Variants in ST6GALNAC5 observed in about 807,000 individuals in gnomAD.
ST6GALNAC5 encodes ST6 N-acetylgalactosaminide alpha-2,6-sialyltransferase 5, also known as alpha-N-acetylgalactosaminide alpha-2,6-sialyltransferase 5.
ST6GALNAC5 carries 27 observed loss-of-function variants against 33.6 expected under a neutral mutation model. The observed-to-expected ratio is 0.80, with a 90% confidence interval of 0.59 to 1.11. The LOEUF is 1.11. Ranked by LOEUF, ST6GALNAC5 falls within the 50% of genes least tolerant of loss-of-function variation. The pLI, the probability that ST6GALNAC5 is intolerant of heterozygous loss-of-function variation, is 0.00. For synonymous variants in ST6GALNAC5, 194 were observed against 171.2 expected, an observed-to-expected ratio of 1.13 and a Z score of -1.04; for missense variants, 428 against 454.0, an observed-to-expected ratio of 0.94 and a Z score of 0.52.
chr1:76,961,518 T>A (rs1434465251), intron 2 of ST6GALNAC5, among the ~76,000 whole-genome samples: 1 of 152,212 alleles, frequency 6.6e-6, no homozygotes, highest in Non-Finnish European at 1.5e-5. Flanking sequence ...TCCTCCATGA[T>A]CTGCCCATGC....
At chr1:76,992,374 T>A (rs1649769663) in intron 2 of ST6GALNAC5, among the ~76,000 whole-genome samples, 1 of 152,220 alleles carries the variant, frequency 6.6e-6, no homozygotes, top group Non-Finnish European at 1.5e-5. Flanking sequence ...CTCAGTGTCT[T>A]CCTCCTATAG....
In ST6GALNAC5 at chr1:76,868,297, A is replaced by G. The variant is rs1570621716; in HGVS notation, c.16-200A>G. ...GATCTGGGCGGCGGCGGCCGAAAGC[A>G]GCGACGCGCCCGGAGCATCCCTTGC... On this transcript the variant is annotated intron_variant, in intron 1 of 4. Coordinates refer to ENST00000477717, the MANE Select transcript of ST6GALNAC5 (RefSeq NM_030965.3). The surrounding 1 kb of genome is among the most constrained non-coding windows in gnomAD (Gnocchi z 4.3). 6.6e-6 allele frequency among the ~76,000 whole-genome samples: 1 copy of G among 151,832 alleles called. No individual in the cohort carries two copies. Among genetic ancestry groups the G allele is most frequent in the Admixed American group, 6.6e-5 (1 of 15,266 alleles).
At chr1:76,945,431 A>G (rs1240039055) in intron 2 of ST6GALNAC5, among the ~76,000 whole-genome samples, 2 of 152,136 alleles carry the variant, frequency 1.3e-5, no homozygotes, top group Admixed American at 1.3e-4. Context: ...TCAGGAATGA[A>G]CGATGAACCA....
chr1:76,981,116 C>G (rs1186650057), intron 2 of ST6GALNAC5, among the ~76,000 whole-genome samples: 1 of 152,162 alleles, frequency 6.6e-6, no homozygotes, highest in East Asian at 1.9e-4. Context: ...ACTGAGGTAC[C>G]TGGTTCATCT....
chr1:76,951,941 C>T (rs1220960727), intron 2 of ST6GALNAC5, among the ~76,000 whole-genome samples: 1 of 152,000 alleles, frequency 6.6e-6, no homozygotes, highest in Non-Finnish European at 1.5e-5. Context: ...CCAAAAAGAC[C>T]TGTGTTGGAA....
intron 2 of ST6GALNAC5, among the ~76,000 whole-genome samples, chr1:76,992,740 C>T (rs1649786012): frequency 6.6e-6 from 1 of 152,152 alleles, no homozygotes; most frequent in Non-Finnish European, 1.5e-5. Flanking sequence ...AGTTATCTGC[C>T]CACCTCGGCC....
intron 2 of ST6GALNAC5, among the ~76,000 whole-genome samples, chr1:77,010,986 C>A (rs1033114265): frequency 1.8e-4 from 27 of 152,204 alleles, no homozygotes; most frequent in African/African-American, 6.3e-4. Flanking sequence ...CATCCCCTGC[C>A]GTTTGGGTAC....
At chr1:77,042,752 G>A (rs1176116643) in intron 2 of ST6GALNAC5, among the ~76,000 whole-genome samples, 1 of 152,132 alleles carries the variant, frequency 6.6e-6, no homozygotes. Context: ...GCCAAATATT[G>A]GCAGTTTCAA....
intron 2 of ST6GALNAC5, among the ~76,000 whole-genome samples, chr1:77,035,104 G>C (rs567948472): frequency 1.1e-3 from 165 of 152,276 alleles, no homozygotes; most frequent in Non-Finnish European, 1.1e-3. Context: ...TGGAGCATCT[G>C]ATTCAGAAGG....
intron 2 of ST6GALNAC5, among the ~76,000 whole-genome samples, chr1:77,029,387 G>A (rs1282739745): frequency 6.6e-6 from 1 of 152,214 alleles, no homozygotes; most frequent in African/African-American, 2.4e-5. Context: ...CCATGGTTTA[G>A]GGACTTGGTC....
chr1:76,985,127 C>T (rs1649433236), intron 2 of ST6GALNAC5, among the ~76,000 whole-genome samples: 1 of 152,214 alleles, frequency 6.6e-6, no homozygotes, highest in African/African-American at 2.4e-5. Flanking sequence ...CCCTCTCACA[C>T]CACTCCTGTG....
rs891243855 is a variant in ST6GALNAC5, at chr1:76,876,680, C to CA, written c.261+7940dup. Among the ~76,000 whole-genome samples the CA allele has an allele frequency of 2.6e-4, 40 of 152,324 alleles. 1 individual carries two copies. Among genetic ancestry groups the CA allele is most frequent in the African/African-American group, 8.7e-4 (36 of 41,562 alleles). On this transcript the variant is annotated intron_variant, in intron 2 of 4. Coordinates refer to ENST00000477717, the MANE Select transcript of ST6GALNAC5 (RefSeq NM_030965.3). The stretch of plus-strand genomic sequence containing the variant: ...CGTTTCTCCTTCCATGCAAAGTGCA[C>CA]AACCACGTGCACTGCTCAAAGTTCT...
intron 2 of ST6GALNAC5, among the ~76,000 whole-genome samples, chr1:77,028,594 G>T (rs1338697046): frequency 1.3e-5 from 2 of 152,186 alleles, no homozygotes; most frequent in East Asian, 1.9e-4. Context: ...GAAAAAGAAA[G>T]TTATTCTGTC....
intron 2 of ST6GALNAC5, among the ~76,000 whole-genome samples, chr1:77,023,106 G>C (rs914191951): frequency 6.6e-6 from 1 of 152,214 alleles, no homozygotes; most frequent in Non-Finnish European, 1.5e-5. Flanking sequence ...TGAGGACACA[G>C]TGAGAAGGCA....
chr1:76,901,039 A>G (rs1646812539), intron 2 of ST6GALNAC5, among the ~76,000 whole-genome samples: 1 of 152,220 alleles, frequency 6.6e-6, no homozygotes, highest in Non-Finnish European at 1.5e-5. Context: ...AGTAGTGTTG[A>G]ATGAGAAGAT....
chr1:77,056,185 G>A (rs1358720664), intron 4 of ST6GALNAC5, among the ~76,000 whole-genome samples: 1 of 152,186 alleles, frequency 6.6e-6, no homozygotes, highest in Non-Finnish European at 1.5e-5. Context: ...ATATTATTCA[G>A]TGGACAGTGG....
At chr1:76,904,760 G>T (rs932093211) in intron 2 of ST6GALNAC5, among the ~76,000 whole-genome samples, 3 of 152,168 alleles carry the variant, frequency 2.0e-5, no homozygotes, top group African/African-American at 7.2e-5. Flanking sequence ...GGGAGGCAGA[G>T]GTTGCAGTAA....
intron 2 of ST6GALNAC5, among the ~76,000 whole-genome samples, chr1:76,928,919 C>G (rs1423969697): frequency 6.6e-6 from 1 of 152,124 alleles, no homozygotes; most frequent in African/African-American, 2.4e-5. Flanking sequence ...TAGAGTCCAG[C>G]ACAAGGTAAC....
At chr1:76,941,993 A>G (rs1012211343) in intron 2 of ST6GALNAC5, among the ~76,000 whole-genome samples, 6 of 152,126 alleles carry the variant, frequency 3.9e-5, no homozygotes, top group Admixed American at 2.0e-4. Context: ...GTGGGTGAAG[A>G]GATAGGCGGG....
Sources: gnomAD v4.1 joint callset for allele counts (sites outside exome capture counted in the v4.1 genomes callset) on GRCh38, gnomAD v4.1.1 for gene constraint, Gnocchi (gnomAD v3.1) non-coding constraint, MANE v1.5 for transcripts, NCBI Gene and HGNC (gene_info 2026-07-23, HGNC 2026-07-21) for gene names.